The following MINDY4 variants were observed in gnomAD, a reference collection of about 807,000 sequenced individuals.
The protein encoded by MINDY4 is probable ubiquitin carboxyl-terminal hydrolase MINDY-4.
In MINDY4, 68 loss-of-function variants were observed where a neutral mutation model predicts 87.0. The observed-to-expected ratio is 0.78, with a 90% CI of 0.64 to 0.96. MINDY4 has a LOEUF of 0.96. MINDY4 is among the 40% of genes least tolerant of loss of function. The pLI, the probability that MINDY4 is intolerant of heterozygous loss-of-function variation, is 0.00. For missense variants in MINDY4, 919 were observed against 928.2 expected (o/e 0.99, Z 0.13); for synonymous variants, 379 against 363.2 (o/e 1.04, Z -0.50).
At position 30,872,223 on chromosome 7, in the gene MINDY4, A is replaced by T; in HGVS notation, c.1746-20A>T. On this transcript the variant is annotated intron_variant, in intron 13 of 17. Coordinates refer to ENST00000265299, the MANE Select transcript of MINDY4 (RefSeq NM_032222.3). ...TGGGTCAGGCAGAGCTGTGCTAACA[A>T]TGCTTCTTGTGTTTTCCAGCATCCG... The T allele has an allele frequency of 6.2e-7, 1 of 1,613,706 alleles. No individual in the cohort carries two copies.
chr7:30,881,986 TG>T (rs907970293), intron 15 of MINDY4, among the ~76,000 whole-genome samples, 194 bp from the exon 16 acceptor site: 3 of 151,646 alleles, frequency 2.0e-5, no homozygotes, highest in Admixed American at 2.0e-4. Context: ...CAGCAGCAGG[TG>T]GGGTGGCAGG....
chr7:30,873,618 C>T (rs1205926821), intron 14 of MINDY4, among the ~76,000 whole-genome samples: 1 of 152,184 alleles, frequency 6.6e-6, no homozygotes, highest in Non-Finnish European at 1.5e-5. Context: ...CCATGGACCA[C>T]ACTGAGTAGA....
chr7:30,771,876 G>A (rs1786649070), intron 1 of MINDY4, among the ~76,000 whole-genome samples: 1 of 152,232 alleles, frequency 6.6e-6, no homozygotes, highest in Non-Finnish European at 1.5e-5. Flanking sequence ...CCTAGCGCGG[G>A]CGCACAGCGG....
intron 5 of MINDY4, among the ~76,000 whole-genome samples, chr7:30,813,071 C>T (rs778579854): frequency 2.0e-5 from 3 of 152,112 alleles, no homozygotes; most frequent in South Asian, 4.2e-4. Context: ...GGGAGGGAGA[C>T]GATGGTGGGA....
At chr7:30,889,171 G>T (rs6968404) in intron 17 of MINDY4, among the ~76,000 whole-genome samples, 1 of 151,990 alleles carries the variant, frequency 6.6e-6, no homozygotes, top group Non-Finnish European at 1.5e-5. Context: ...TTCAATGCTT[G>T]CCCACAAATC....
At chr7:30,852,308 A>T in intron 11 of MINDY4, 29 bp downstream of exon 11, 1 of 1,613,826 alleles carries the variant, frequency 6.2e-7, no homozygotes, top group Non-Finnish European at 8.5e-7. Context: ...TTATCACGCA[A>T]ACTTTGGCTT....
chr7:30,886,911 C>T (rs547478634), intron 17 of MINDY4, among the ~76,000 whole-genome samples: 6 of 152,236 alleles, frequency 3.9e-5, no homozygotes, highest in East Asian at 3.9e-4. Flanking sequence ...CATTTCCAAA[C>T]GAGACACACA....
At chr7:30,777,684 C>T (rs1786867837) in intron 1 of MINDY4, among the ~76,000 whole-genome samples, 1 of 152,200 alleles carries the variant, frequency 6.6e-6, no homozygotes, top group South Asian at 2.1e-4. Flanking sequence ...GAACAAGGAA[C>T]ACCCCTAACA....
At chr7:30,802,823 A>C (rs1175950997) in intron 5 of MINDY4, among the ~76,000 whole-genome samples, 1 of 152,060 alleles carries the variant, frequency 6.6e-6, no homozygotes, top group Non-Finnish European at 1.5e-5. Context: ...TGACCACCCA[A>C]CCAACCAACC....
chr7:30,874,983 T>TA (rs746857917), intron 14 of MINDY4, among the ~76,000 whole-genome samples: 8 of 152,320 alleles, frequency 5.3e-5, no homozygotes, highest in African/African-American at 1.2e-4. Flanking sequence ...AAGGTTTCTT[T>TA]AAAAAATAAC....
intron 3 of MINDY4, among the ~76,000 whole-genome samples, chr7:30,784,395 C>T (rs898868358): frequency 2.6e-5 from 4 of 152,168 alleles, no homozygotes; most frequent in Admixed American, 1.3e-4. Context: ...TGCCCACCGG[C>T]GAGGGCCTCA....
intron 9 of MINDY4, among the ~76,000 whole-genome samples, chr7:30,842,956 T>A (rs573331554): frequency 1.3e-5 from 2 of 152,278 alleles, no homozygotes; most frequent in South Asian, 4.1e-4. Flanking sequence ...CCCATTAAGA[T>A]AAAACCAGGC....
chr7:30,846,748 T>A (rs1194984043), intron 9 of MINDY4, among the ~76,000 whole-genome samples: 1 of 152,048 alleles, frequency 6.6e-6, no homozygotes, highest in Non-Finnish European at 1.5e-5. Flanking sequence ...GAAGACAATT[T>A]TTCCATGGAC....
In MINDY4 at chr7:30,782,097, A is replaced by G; in HGVS notation, c.304A>G (p.Lys102Glu). Reference sequence around the variant, plus strand: ...CCCAATCCCTGCACTCTCAGTTCCAAAGAAAAATAACAAAGTGCCATCAAG... The same window carrying G: ...CCCAATCCCTGCACTCTCAGTTCCAGAGAAAAATAACAAAGTGCCATCAAG... ...DTPIPALSVP[K>E]KNNKVPSRCS... The change falls in exon 3 of 18, where the codon AAG (lysine) becomes GAG (glutamate). Residue 102 changes from lysine (K) to glutamate (E), a missense_variant. Transcript: ENST00000265299. 3.1e-6 allele frequency: 5 copies of G among 1,614,164 alleles called. No homozygotes were observed. Among genetic ancestry groups the G allele is most frequent in the South Asian group, 2.2e-5 (2 of 91,078 alleles).
At position 30,781,961 on chromosome 7, in the gene MINDY4, T is replaced by C. The variant is rs55701130; in HGVS notation, c.184-16T>C. ...TGTATATAAATTAATGATTTTTTTTTCTCTCCCAATGATAGGCAAAGGAAA... is the reference window on the plus strand; with the variant it reads ...TGTATATAAATTAATGATTTTTTTTCCTCTCCCAATGATAGGCAAAGGAAA... On this transcript the variant is annotated splice_polypyrimidine_tract_variant and intron_variant, in intron 2 of 17. Coordinates refer to ENST00000265299, the MANE Select transcript of MINDY4 (RefSeq NM_032222.3). 1.9e-6 allele frequency: 3 copies of C among 1,565,806 alleles called. No homozygotes were observed. The highest frequency in any genetic ancestry group is 2.3e-5 in the South Asian group (2 of 88,074).
intron 17 of MINDY4, among the ~76,000 whole-genome samples, chr7:30,889,180 T>A (rs1790720244): frequency 6.6e-6 from 1 of 152,124 alleles, no homozygotes; most frequent in Admixed American, 6.5e-5. Context: ...TGCCCACAAA[T>A]CTTAATAGAA....
chr7:30,859,454 A>T (rs1446404168), intron 13 of MINDY4, 130 bp downstream of exon 13: 10 of 882,620 alleles, frequency 1.1e-5, no homozygotes, highest in Non-Finnish European at 1.8e-5. Flanking sequence ...AGGATGAATG[A>T]AGCAGTGGAG....
chr7:30,886,405 C>T (rs1790633331), intron 17 of MINDY4, among the ~76,000 whole-genome samples: 1 of 152,224 alleles, frequency 6.6e-6, no homozygotes, highest in African/African-American at 2.4e-5. Flanking sequence ...CCCTTAAACC[C>T]AGCTCTGTTG....
intron 13 of MINDY4, among the ~76,000 whole-genome samples, chr7:30,868,837 A>C (rs1269276893): frequency 6.6e-6 from 1 of 152,186 alleles, no homozygotes; most frequent in Non-Finnish European, 1.5e-5. Flanking sequence ...TCATCCAAGC[A>C]TCCCTGGAGG....
Sources: gnomAD v4.1 joint callset for allele counts (sites outside exome capture counted in the v4.1 genomes callset) on GRCh38, gnomAD v4.1.1 for gene constraint, MANE v1.5 for transcripts, NCBI Gene and HGNC (gene_info 2026-07-23, HGNC 2026-07-21) for gene names.